PRELID2: variants seen among roughly 807,000 people sequenced by gnomAD.
PRELID2 encodes PRELI domain-containing protein 2.
A neutral mutation model predicts 28.4 loss-of-function variants in PRELID2; 25 were observed. The observed-to-expected ratio is 0.88, with a 90% CI of 0.64 to 1.23. The LOEUF is 1.23. PRELID2 is among the 50% of genes most tolerant of loss of function. The probability of loss-of-function intolerance (pLI) is 0.00; values close to 1 mark genes in which losing one functional copy is unlikely to be tolerated. For missense variants in PRELID2, 201 were observed against 214.4 expected (o/e 0.94, Z 0.39); for synonymous variants, 76 against 71.6 (o/e 1.06, Z -0.31).
intron 1 of PRELID2, among the ~76,000 whole-genome samples, chr5:145,560,073 A>T (rs1752914077): frequency 6.6e-6 from 1 of 152,204 alleles, no homozygotes; most frequent in Non-Finnish European, 1.5e-5. Flanking sequence ...ATCTAAGACA[A>T]AGCCTATTTT....
intron 1 of PRELID2, among the ~76,000 whole-genome samples, chr5:145,739,965 TAAAA>T (rs61041489): frequency 2.7e-5 from 4 of 150,286 alleles, no homozygotes; most frequent in African/African-American, 9.8e-5. Flanking sequence ...GAAAAATAAA[TAAAA>T]AAACATAAGC....
intron 1 of PRELID2, among the ~76,000 whole-genome samples, chr5:145,643,071 AC>A: frequency 6.6e-6 from 1 of 152,310 alleles, no homozygotes; most frequent in African/African-American, 2.4e-5. Context: ...TGGTAGCTTG[AC>A]GGGGATAGCA....
At chr5:145,289,082 A>T in the PRELID2 span, among the ~76,000 whole-genome samples, 1 of 152,102 alleles carries the variant, frequency 6.6e-6, no homozygotes, top group Non-Finnish European at 1.5e-5. Context: ...TTTGTAATAC[A>T]GTTAGATTCC....
chr5:145,627,257 A>C (rs1272991334), intron 1 of PRELID2, among the ~76,000 whole-genome samples: 3 of 152,076 alleles, frequency 2.0e-5, no homozygotes, highest in African/African-American at 4.8e-5. Context: ...GAAATGATTC[A>C]GAAACATAAA....
intron 1 of PRELID2, among the ~76,000 whole-genome samples, chr5:145,716,918 ATATG>A (rs1380916560): frequency 6.6e-6 from 1 of 152,126 alleles, no homozygotes; most frequent in Non-Finnish European, 1.5e-5. Context: ...CCTGCACACT[ATATG>A]TATGAACACA....
At chr5:145,467,643 A>C (rs981671904), downstream of PRELID2, among the ~76,000 whole-genome samples, 1 of 152,070 alleles carries the variant, frequency 6.6e-6, no homozygotes, top group African/African-American at 2.4e-5. Context: ...CTGCTGGTAG[A>C]TAAGTCTGAT....
intron 6 of PRELID2, among the ~76,000 whole-genome samples, chr5:145,761,864 C>A (rs943498131): frequency 6.6e-6 from 1 of 151,540 alleles, no homozygotes; most frequent in East Asian, 1.9e-4. Flanking sequence ...AACAGTAGTA[C>A]CCCCACCTAC....
intron 1 of PRELID2, among the ~76,000 whole-genome samples, chr5:145,545,143 G>T (rs1379237028): frequency 6.6e-6 from 1 of 152,096 alleles, no homozygotes; most frequent in Non-Finnish European, 1.5e-5. Context: ...TTACCTTATA[G>T]GTGAGTATTT....
intron 1 of PRELID2, among the ~76,000 whole-genome samples, chr5:145,508,288 A>ATAGATAGC (rs1281333207): frequency 9.9e-5 from 15 of 152,214 alleles, no homozygotes; most frequent in African/African-American, 3.6e-4. Flanking sequence ...AGATAGATAG[A>ATAGATAGC]TAGATAGATT....
the PRELID2 span, among the ~76,000 whole-genome samples, chr5:145,280,262 A>T: frequency 1.3e-5 from 2 of 152,160 alleles, no homozygotes; most frequent in South Asian, 4.1e-4. Context: ...ATACAGAAAC[A>T]TTCTGCAGTT....
intron 1 of PRELID2, among the ~76,000 whole-genome samples, chr5:145,715,258 A>AG (rs1755810661): frequency 6.6e-6 from 1 of 152,112 alleles, no homozygotes; most frequent in Non-Finnish European, 1.5e-5. Flanking sequence ...AAAAATCTAG[A>AG]GGTTATCTTC....
intron 3 of PRELID2, 68 bp downstream of exon 3, chr5:145,819,877 G>A: frequency 1.0e-6 from 1 of 1,000,552 alleles, no homozygotes; most frequent in Non-Finnish European, 1.6e-6. Context: ...AGAAAATGCT[G>A]TTCCTTTTCA....
At chr5:145,680,078 G>A (rs1422704033) in intron 1 of PRELID2, among the ~76,000 whole-genome samples, 1 of 152,064 alleles carries the variant, frequency 6.6e-6, no homozygotes, top group East Asian at 1.9e-4. Flanking sequence ...TTAAATTTTA[G>A]TGCCACAGTG....
chr5:145,381,393 C>T, the PRELID2 span, among the ~76,000 whole-genome samples: 1 of 152,078 alleles, frequency 6.6e-6, no homozygotes, highest in Non-Finnish European at 1.5e-5. Flanking sequence ...TGGGTTGGTG[C>T]AAAATTAAAT....
At chr5:145,553,755 T>C (rs1191359541) in intron 1 of PRELID2, among the ~76,000 whole-genome samples, 1 of 152,198 alleles carries the variant, frequency 6.6e-6, no homozygotes, top group East Asian at 1.9e-4. Flanking sequence ...AGGTTTTAAA[T>C]AGACATGAAC....
chr5:145,296,826 T>C, the PRELID2 span, among the ~76,000 whole-genome samples: 21 of 152,316 alleles, frequency 1.4e-4, no homozygotes, highest in Admixed American at 5.9e-4. Context: ...AAAGTGTTCC[T>C]ATTTCTCCAC....
the PRELID2 span, among the ~76,000 whole-genome samples, chr5:145,418,997 G>A: frequency 2.2e-4 from 33 of 149,274 alleles, no homozygotes; most frequent in African/African-American, 6.9e-4. Flanking sequence ...TTTTGTTCTT[G>A]CGATAGTTTA....
chr5:145,589,429 T>C (rs1035017653), intron 1 of PRELID2, among the ~76,000 whole-genome samples: 1 of 152,154 alleles, frequency 6.6e-6, no homozygotes, highest in Non-Finnish European at 1.5e-5. Context: ...TATCTGAACA[T>C]GTCCATACCA....
At chr5:145,522,083 C>T (rs1197820451) in intron 1 of PRELID2, among the ~76,000 whole-genome samples, 1 of 152,114 alleles carries the variant, frequency 6.6e-6, no homozygotes, top group African/African-American at 2.4e-5. Context: ...TACCTCCCAT[C>T]AAAAGATAAA....
Sources: gnomAD v4.1 joint callset for allele counts (sites outside exome capture counted in the v4.1 genomes callset) on GRCh38, gnomAD v4.1.1 for gene constraint, MANE v1.5 for transcripts, NCBI Gene and HGNC (gene_info 2026-07-23, HGNC 2026-07-21) for gene names.